The following RBFOX1 variants were observed in gnomAD, a reference collection of about 807,000 sequenced individuals.
RBFOX1 encodes RNA binding fox-1 homolog 1.
A neutral mutation model predicts 57.7 loss-of-function variants in RBFOX1; 8 were observed. The observed-to-expected ratio is 0.14, with a 90% CI of 0.08 to 0.25. RBFOX1 has a LOEUF of 0.25. RBFOX1 is among the 10% of genes least tolerant of loss of function. The pLI, the probability that RBFOX1 is intolerant of heterozygous loss-of-function variation, is 1.00. For missense variants in RBFOX1, 611 were observed against 548.5 expected (o/e 1.11, Z -1.14); for synonymous variants, 326 against 222.4 (o/e 1.47, Z -4.15).
intron 1 of RBFOX1, among the ~76,000 whole-genome samples, chr16:6,278,930 A>G (rs2076104384): frequency 6.6e-6 from 1 of 152,160 alleles, no homozygotes; most frequent in African/African-American, 2.4e-5. Context: ...AGGTTGAGAT[A>G]TGTCTAACCC....
intron 2 of RBFOX1, among the ~76,000 whole-genome samples, chr16:5,524,800 C>T (rs750321326): frequency 2.2e-4 from 34 of 152,076 alleles, no homozygotes; most frequent in Non-Finnish European, 4.3e-4. Context: ...CTCGGCCTCC[C>T]GAAGTGCTGG....
intron 3 of RBFOX1, among the ~76,000 whole-genome samples, chr16:6,788,537 G>A (rs1038204347): frequency 2.6e-4 from 40 of 151,690 alleles, no homozygotes; most frequent in Middle Eastern, 3.4e-3. Flanking sequence ...GTGCAGTGGC[G>A]TGATCTCGGC....
chr16:6,974,889 C>G (rs750781287), intron 3 of RBFOX1, among the ~76,000 whole-genome samples: 61 of 152,086 alleles, frequency 4.0e-4, no homozygotes, highest in Admixed American at 9.8e-4. Context: ...CTGCAAATAG[C>G]TGCGTGAGAA....
At chr16:6,997,425 C>T (rs904673990) in intron 3 of RBFOX1, among the ~76,000 whole-genome samples, 13 of 152,158 alleles carry the variant, frequency 8.5e-5, no homozygotes, top group East Asian at 3.9e-4. Context: ...GCTGCTTGAT[C>T]AGAGTTCATT....
chr16:6,522,154 AGTGTGTGTGTGTGT>A (rs35360830), intron 2 of RBFOX1, among the ~76,000 whole-genome samples: 86 of 142,856 alleles, frequency 6.0e-4, no homozygotes, highest in Middle Eastern at 3.6e-3. Flanking sequence ...GGGGACCCAC[AGTGTGTGTGTGTGT>A]GTGTGTGTGT....
At chr16:5,342,588 G>C (rs1328738042) in intron 1 of RBFOX1, among the ~76,000 whole-genome samples, 1 of 152,130 alleles carries the variant, frequency 6.6e-6, no homozygotes, top group South Asian at 2.1e-4. Context: ...CATGAAACAG[G>C]GAAAGGACTC....
chr16:6,904,296 C>T (rs1007488646), intron 3 of RBFOX1, among the ~76,000 whole-genome samples: 8 of 152,024 alleles, frequency 5.3e-5, no homozygotes, highest in African/African-American at 1.9e-4. Context: ...GAGTGGTAGG[C>T]TTATGAAACC....
rs565116605 is a variant in RBFOX1 at position 6,476,940 on chromosome 16, T to C, written c.-64+159883T>C. Among the ~76,000 whole-genome samples the C allele has an allele frequency of 1.1e-4, 16 of 152,326 alleles. No individual in the cohort carries two copies. In the East Asian group the frequency reaches 2.9e-3, roughly 28 times the overall value. ...TCATAGTATCTTTACTAGATGTAGA[T>C]TCCATCTCAAGGAACCACTTTTTCT... On this transcript the variant is annotated intron_variant, in intron 2 of 15. Coordinates refer to ENST00000550418, the MANE Select transcript of RBFOX1 (RefSeq NM_018723.4).
intron 2 of RBFOX1, among the ~76,000 whole-genome samples, chr16:6,332,378 G>A (rs942591164): frequency 7.9e-5 from 12 of 152,120 alleles, no homozygotes; most frequent in Non-Finnish European, 8.8e-5. Flanking sequence ...TAGAATCTCC[G>A]TGGAAGTCAA....
At chr16:5,553,590 T>C (rs9936124) in intron 2 of RBFOX1, among the ~76,000 whole-genome samples, 105,368 of 151,520 alleles carry the variant, frequency 0.7, 37,267 homozygotes, top group South Asian at 0.86. Context: ...GCTGGGATTA[T>C]GGGCGTGAGC....
intron 3 of RBFOX1, among the ~76,000 whole-genome samples, chr16:6,886,838 A>G (rs944733290): frequency 2.0e-5 from 3 of 152,138 alleles, no homozygotes; most frequent in Non-Finnish European, 4.4e-5. Context: ...TTTGCTTTAG[A>G]ATCAGTGAAA....
At chr16:5,972,434 G>T (rs1010473105) in intron 4 of RBFOX1, among the ~76,000 whole-genome samples, 2 of 152,170 alleles carry the variant, frequency 1.3e-5, no homozygotes, top group Non-Finnish European at 2.9e-5. Context: ...CTCATTATGT[G>T]TCCAGTGCCT....
At chr16:6,303,306 G>A (rs531382133) in intron 1 of RBFOX1, among the ~76,000 whole-genome samples, 4 of 151,910 alleles carry the variant, frequency 2.6e-5, no homozygotes, top group African/African-American at 9.6e-5. Flanking sequence ...ATAATAAGGT[G>A]CTCTGGAGTC....
chr16:5,977,130 C>T (rs948545009), intron 4 of RBFOX1, among the ~76,000 whole-genome samples: 4 of 152,102 alleles, frequency 2.6e-5, no homozygotes, highest in Non-Finnish European at 5.9e-5. Flanking sequence ...AAGCTAAATT[C>T]CGGAAACCAC....
chr16:5,508,723 C>A (rs561775905), intron 2 of RBFOX1, among the ~76,000 whole-genome samples: 1 of 152,116 alleles, frequency 6.6e-6, no homozygotes, highest in Non-Finnish European at 1.5e-5. Context: ...CAAGGTGGGG[C>A]GGGGGAGATT....
chr16:6,225,663 A>G (rs1464584564), intron 1 of RBFOX1, among the ~76,000 whole-genome samples: 1 of 152,170 alleles, frequency 6.6e-6, no homozygotes, highest in South Asian at 2.1e-4. Flanking sequence ...CCAAATTTGC[A>G]TAATTTAGGC....
intron 3 of RBFOX1, among the ~76,000 whole-genome samples, chr16:5,855,558 C>G (rs1256659939): frequency 1.3e-5 from 2 of 152,112 alleles, no homozygotes; most frequent in Admixed American, 6.5e-5. Context: ...TTTCTAGGCT[C>G]TCTATTCTGT....
intron 3 of RBFOX1, among the ~76,000 whole-genome samples, chr16:5,748,394 C>G (rs1015755289): frequency 9.2e-5 from 14 of 152,128 alleles, no homozygotes; most frequent in Non-Finnish European, 1.5e-4. Context: ...ATTAGGTCTG[C>G]TTGGTGCAGA....
intron 3 of RBFOX1, among the ~76,000 whole-genome samples, chr16:6,985,721 C>T (rs1012177401): frequency 4.0e-5 from 6 of 150,832 alleles, no homozygotes; most frequent in Non-Finnish European, 7.4e-5. Flanking sequence ...ATAATCTCAG[C>T]TACTCAAGAG....
Sources: gnomAD v4.1 joint callset for allele counts (sites outside exome capture counted in the v4.1 genomes callset) on GRCh38, gnomAD v4.1.1 for gene constraint, MANE v1.5 for transcripts, NCBI Gene and HGNC (gene_info 2026-07-23, HGNC 2026-07-21) for gene names.